Variants in AIG1 observed in about 807,000 individuals in gnomAD.
AIG1 encodes androgen-induced gene 1 protein.
Under a neutral mutation model 31.4 loss-of-function variants are expected in AIG1, and 23 were observed. The observed-to-expected ratio is 0.73, with a 90% confidence interval of 0.53 to 1.04. The LOEUF (loss-of-function observed/expected upper bound fraction) is 1.04, where lower values mean the gene tolerates loss of function less well. AIG1 is among the 50% of genes least tolerant of loss of function. The pLI is 0.00. For synonymous variants in AIG1, 100 were observed against 110.5 expected, an observed-to-expected ratio of 0.90 and a Z score of 0.60; for missense variants, 274 against 295.0, an observed-to-expected ratio of 0.93 and a Z score of 0.52.
intron 1 of AIG1, chr6:143,061,699 C>T (rs1028894382): frequency 5.4e-6 from 1 of 186,214 alleles, no homozygotes; most frequent in South Asian, 9.9e-5. Flanking sequence ...ACTGTACACA[C>T]TTCTCTGTCT....
At chr6:143,271,397 C>G (rs534246557) in intron 3 of AIG1, among the ~76,000 whole-genome samples, 1 of 152,204 alleles carries the variant, frequency 6.6e-6, no homozygotes, top group Admixed American at 6.5e-5. Context: ...AACGGGTTCT[C>G]ATAAGTCAAA....
chr6:143,150,985 A>G (rs1011962545), intron 2 of AIG1, among the ~76,000 whole-genome samples: 1 of 152,194 alleles, frequency 6.6e-6, no homozygotes, highest in Non-Finnish European at 1.5e-5. Flanking sequence ...AGGTAGACCA[A>G]ATGCCAAGAA....
Position 143,061,015 on chromosome 6 carries a change from C to T in AIG1, c.90C>T (p.Pro30=). 6 of 1,613,638 alleles carry T rather than the reference C, an allele frequency of 3.7e-6. No individual in the cohort carries two copies. The highest frequency in any genetic ancestry group is 5.1e-6 in the Non-Finnish European group (6 of 1,179,824). ...ILCNYKAIEM[P]SHQTYGGSWK... is the part of the protein sequence containing the mutation. ...GTAACTACAAGGCCATCGAAATGCC[C>T]TCACACCAGACCTACGGAGGGAGCT... is the stretch of plus-strand genomic sequence containing the variant. The change falls in exon 1 of 6, where the codon CCC becomes CCT. Residue 30 remains proline (P), a synonymous_variant. Transcript: ENST00000357847.
intron 2 of AIG1, among the ~76,000 whole-genome samples, chr6:143,150,915 A>G (rs1337791959): frequency 2.6e-5 from 4 of 152,188 alleles, no homozygotes; most frequent in African/African-American, 9.7e-5. Context: ...TTTCAACAAC[A>G]AAAATATCTA....
chr6:143,110,146 G>C (rs1444259103), intron 1 of AIG1, among the ~76,000 whole-genome samples: 1 of 152,112 alleles, frequency 6.6e-6, no homozygotes, highest in Non-Finnish European at 1.5e-5. Context: ...GTTTATGTGT[G>C]GGTCTGTGTC....
At chr6:143,176,306 A>C (rs1562459976) in intron 3 of AIG1, among the ~76,000 whole-genome samples, 1 of 152,084 alleles carries the variant, frequency 6.6e-6, no homozygotes, top group Non-Finnish European at 1.5e-5. Context: ...CGCTATGAAG[A>C]GTGCATCAGC....
At chr6:143,317,510 G>C (rs1318931992) in intron 4 of AIG1, among the ~76,000 whole-genome samples, 1 of 152,062 alleles carries the variant, frequency 6.6e-6, no homozygotes, top group African/African-American at 2.4e-5. Context: ...ATACCTTAAT[G>C]TAATAAAGCC....
At chr6:143,253,036 G>A (rs1326089199) in intron 3 of AIG1, among the ~76,000 whole-genome samples, 2 of 152,128 alleles carry the variant, frequency 1.3e-5, no homozygotes, top group Non-Finnish European at 2.9e-5. Context: ...GAGGACACTC[G>A]CTAGCAAAAC....
At position 143,298,406 on chromosome 6, in the gene AIG1, A is replaced by G. The variant is rs1798590535; in HGVS notation, c.515+14181A>G. On this transcript the variant is annotated intron_variant, in intron 4 of 5. Transcript: ENST00000357847. The surrounding 1 kb of genome is among the most constrained non-coding windows in gnomAD (Gnocchi z 5.1). ...GCCAAAGATATGTAAAGAATGTTAGAAAATGTATTATAAAGAAATAGTTAA... is the reference window on the plus strand; with the variant it reads ...GCCAAAGATATGTAAAGAATGTTAGGAAATGTATTATAAAGAAATAGTTAA... 6.6e-6 allele frequency among the ~76,000 whole-genome samples: 1 copy of G among 152,258 alleles called. No homozygotes were observed. Among genetic ancestry groups the G allele is most frequent in the Admixed American group, 6.5e-5 (1 of 15,282 alleles).
intron 2 of AIG1, among the ~76,000 whole-genome samples, chr6:143,140,217 A>G (rs1295298103): frequency 6.6e-6 from 1 of 152,210 alleles, no homozygotes; most frequent in Non-Finnish European, 1.5e-5. Context: ...CGCCCCCATG[A>G]TTCAATTACC....
intron 2 of AIG1, among the ~76,000 whole-genome samples, chr6:143,161,075 T>C (rs1278399846): frequency 1.3e-5 from 2 of 152,180 alleles, no homozygotes; most frequent in Non-Finnish European, 2.9e-5. Context: ...AAATAACTGA[T>C]TCATAGCATT....
chr6:143,178,690 T>A (rs1354875630), intron 3 of AIG1, among the ~76,000 whole-genome samples: 4 of 152,186 alleles, frequency 2.6e-5, no homozygotes, highest in Non-Finnish European at 5.9e-5. Flanking sequence ...TCCCCTAGAC[T>A]CTCTGTTCAA....
chr6:143,173,991 G>A (rs1465675781), intron 3 of AIG1, among the ~76,000 whole-genome samples: 1 of 152,140 alleles, frequency 6.6e-6, no homozygotes, highest in African/African-American at 2.4e-5. Context: ...GAGTATTGAA[G>A]TCCCGCACTA....
At chr6:143,187,436 T>C in intron 3 of AIG1, 1 of 1,535,552 alleles carries the variant, frequency 6.5e-7, no homozygotes, top group Non-Finnish European at 8.7e-7. Flanking sequence ...AGAACTACAG[T>C]ATGATCAGCT....
In AIG1 at chr6:143,326,327, C is replaced by G. The variant is rs1776607540; in HGVS notation, c.516-6955C>G. Among the ~76,000 whole-genome samples the G allele has an allele frequency of 6.6e-6, 1 of 152,178 alleles. No individual in the cohort carries two copies. Among genetic ancestry groups the G allele is most frequent in the Non-Finnish European group, 1.5e-5 (1 of 68,024 alleles). ...CTCTTCTTGAACTTCTGGGAGCGTTCTCTTGTTCTCAGTTCTTTAGACATG... is the reference window on the plus strand; with the variant it reads ...CTCTTCTTGAACTTCTGGGAGCGTTGTCTTGTTCTCAGTTCTTTAGACATG... On this transcript the variant is annotated intron_variant, in intron 4 of 5. Coordinates refer to ENST00000357847, the MANE Select transcript of AIG1 (RefSeq NM_016108.4). This position sits in a 1 kb window ranked among gnomAD's most constrained non-coding sequence, Gnocchi z 4.5.
chr6:143,211,670 A>T lies in AIG1; in HGVS notation c.399+46487A>T, dbSNP rs367597525. 4.6e-5 allele frequency among the ~76,000 whole-genome samples: 7 copies of T among 152,296 alleles called. No individual in the cohort carries two copies. The South Asian group carries it at 6.2e-4, about 14-fold the overall frequency. On this transcript the variant is annotated intron_variant, in intron 3 of 5. Coordinates refer to ENST00000357847, the MANE Select transcript of AIG1 (RefSeq NM_016108.4). Reference sequence around the variant, plus strand: ...CACTTTGGGAGGCTGAGACGGATGGATCACTCGAGGTCAGGAGTTCGAGAC... The same window carrying T: ...CACTTTGGGAGGCTGAGACGGATGGTTCACTCGAGGTCAGGAGTTCGAGAC...
intron 1 of AIG1, among the ~76,000 whole-genome samples, chr6:143,084,780 C>T (rs60445283): frequency 0.11 from 16,364 of 152,078 alleles, 2,780 homozygotes; most frequent in African/African-American, 0.37. Flanking sequence ...AATTTATAGG[C>T]TTTCTCCTAG....
At chr6:143,120,454 A>G (rs1396988778) in intron 1 of AIG1, among the ~76,000 whole-genome samples, 1 of 152,196 alleles carries the variant, frequency 6.6e-6, no homozygotes, top group East Asian at 1.9e-4. Flanking sequence ...GAGGCCTCAC[A>G]TTCATGATGG....
At chr6:143,101,395 A>G (rs1780266887) in intron 1 of AIG1, among the ~76,000 whole-genome samples, 1 of 152,226 alleles carries the variant, frequency 6.6e-6, no homozygotes, top group African/African-American at 2.4e-5. Context: ...CCATTTTAGA[A>G]GAATTTCCAA....
Sources: gnomAD v4.1 joint callset for allele counts (sites outside exome capture counted in the v4.1 genomes callset) on GRCh38, gnomAD v4.1.1 for gene constraint, Gnocchi (gnomAD v3.1) non-coding constraint, MANE v1.5 for transcripts, NCBI Gene and HGNC (gene_info 2026-07-23, HGNC 2026-07-21) for gene names.